The following LY9 variants were observed in gnomAD, a reference collection of about 807,000 sequenced individuals.
LY9 encodes the protein lymphocyte antigen 9.
A neutral mutation model predicts 64.6 loss-of-function variants in LY9; 59 were observed. The ratio of observed to expected loss-of-function variants is 0.91; its 90% confidence interval spans 0.74 to 1.13. The LOEUF (loss-of-function observed/expected upper bound fraction) is 1.13. Ranked by LOEUF, LY9 falls within the 50% of genes most tolerant of loss-of-function variation. The pLI is 0.00. For missense variants in LY9, 789 were observed against 797.2 expected (o/e 0.99, Z 0.12); for synonymous variants, 281 against 308.5 (o/e 0.91, Z 0.93).
rs1004121201 is a variant in LY9, at chr1:160,805,697, G to C, written c.454+5615G>C. On this transcript the variant is annotated intron_variant, in intron 2 of 9. Transcript: ENST00000263285. Reference sequence around the variant, plus strand: ...TGTCTAATGCTGAGAGTGGAGTGCTGAAGTCCTCCACTACTATTCTGTTGC... The same window carrying C: ...TGTCTAATGCTGAGAGTGGAGTGCTCAAGTCCTCCACTACTATTCTGTTGC... 1.3e-4 allele frequency among the ~76,000 whole-genome samples: 19 copies of C among 151,112 alleles called. No homozygotes were observed. In the South Asian group the frequency reaches 4.0e-3, roughly 32 times the overall value.
chr1:160,824,626 CA>C (rs1313256823), intron 9 of LY9: 2 of 983,116 alleles, frequency 2.0e-6, no homozygotes, highest in Admixed American at 1.2e-4. Context: ...AACAATTTAA[CA>C]ACAAGAATTT....
At chr1:160,819,173 T>G in intron 6 of LY9, 148 bp from the exon 7 acceptor site, 1 of 670,544 alleles carries the variant, frequency 1.5e-6, no homozygotes, top group East Asian at 2.8e-5. Context: ...TAGGCCTGGC[T>G]TCTCATCAGG....
intron 2 of LY9, chr1:160,810,454 C>G (rs1667382687): frequency 2.6e-5 from 4 of 152,194 alleles, no homozygotes; most frequent in Admixed American, 2.6e-4. Context: ...TCTGTGTTGT[C>G]TATGTCCTAA....
intron 2 of LY9, chr1:160,811,310 A>G (rs1475439978): frequency 6.6e-6 from 1 of 152,272 alleles, no homozygotes; most frequent in East Asian, 1.9e-4. Context: ...TCTGTCCCTT[A>G]CAGTCCAGAC....
chr1:160,796,417 G>A (rs996669371), intron 1 of LY9, 106 bp downstream of exon 1: 7 of 1,343,754 alleles, frequency 5.2e-6, no homozygotes, highest in African/African-American at 1.5e-5. Context: ...TTTTTTTAAC[G>A]GAGTCTCACT....
intron 1 of LY9, chr1:160,797,416 C>T: frequency 2.7e-6 from 1 of 372,518 alleles, no homozygotes; most frequent in Non-Finnish European, 3.7e-6. Context: ...TTTTCACTTT[C>T]AATTTTATCT....
chr1:160,824,136 C>T (rs1668701347), intron 8 of LY9, 45 bp from the exon 9 acceptor site: 4 of 1,612,300 alleles, frequency 2.5e-6, no homozygotes, highest in South Asian at 1.1e-5. Context: ...AACTGAAAAG[C>T]TCTCATGTGG....
intron 1 of LY9, 68 bp downstream of exon 1, chr1:160,796,379 C>G: frequency 4.6e-6 from 7 of 1,511,450 alleles, no homozygotes; most frequent in Non-Finnish European, 6.2e-6. Flanking sequence ...CATTCCCTGC[C>G]TGGGAGATTC....
At chr1:160,817,061 TAA>T (rs1353155199) in intron 5 of LY9, among the ~76,000 whole-genome samples, 198 bp downstream of exon 5, 1 of 152,164 alleles carries the variant, frequency 6.6e-6, no homozygotes, top group Non-Finnish European at 1.5e-5. Flanking sequence ...CAAGAAGAAA[TAA>T]AGTTATTTTA....
intron 7 of LY9, among the ~76,000 whole-genome samples, chr1:160,820,245 C>T (rs900345584): frequency 3.9e-5 from 6 of 152,182 alleles, no homozygotes; most frequent in Admixed American, 1.3e-4. Context: ...CTAAGAGCAT[C>T]GTGGGAAATG....
At position 160,827,970 on chromosome 1, in the gene LY9, C is replaced by T; in HGVS notation, c.*154C>T. 1.7e-6 allele frequency: 1 copy of T among 599,800 alleles called. No individual in the cohort carries two copies. 37.2% of individuals were successfully genotyped at this position (599,800 alleles called of 1,614,324 possible). A position where few individuals can be genotyped will look rare whatever the true frequency, so the allele number is the denominator to read the frequency against. On this transcript the variant is annotated 3_prime_UTR_variant, in exon 10 of 10. Coordinates refer to ENST00000263285, the MANE Select transcript of LY9 (RefSeq NM_002348.4). ...GTGGCCCCTCCCCCTCCTTCTCACC[C>T]TTAAGGACTCCCAAACCCATTAATA...
At chr1:160,826,971 C>T (rs1404859170) in intron 9 of LY9, among the ~76,000 whole-genome samples, 2 of 152,156 alleles carry the variant, frequency 1.3e-5, no homozygotes, top group South Asian at 2.1e-4. Flanking sequence ...CTGCAAGGCA[C>T]ACACACTACC....
intron 8 of LY9, among the ~76,000 whole-genome samples, 186 bp from the exon 9 acceptor site, chr1:160,823,994 CA>C (rs1668689369): frequency 6.6e-6 from 1 of 152,208 alleles, no homozygotes; most frequent in South Asian, 2.1e-4. Flanking sequence ...CCTCAGCTCT[CA>C]TTCTTGGGCC....
chr1:160,823,483 C>G lies in LY9; in HGVS notation c.1517C>G (p.Thr506Arg). The G allele has an allele frequency of 1.2e-6, 2 of 1,612,578 alleles. No individual in the cohort carries two copies. The highest frequency in any genetic ancestry group is 1.7e-6 in the Non-Finnish European group (2 of 1,178,852). ...ADTPEPTAGH[T>R]LYSVLSQGYE... ...GTTCCAGAACCCACAGCTGGCCACACGCTATACTCTGTGCTCTCCCAAGGA... is the reference window on the plus strand; with the variant it reads ...GTTCCAGAACCCACAGCTGGCCACAGGCTATACTCTGTGCTCTCCCAAGGA... Residue 506 changes from threonine (T) to arginine (R), a missense_variant, in exon 8 of 10, where the codon ACG becomes AGG. Coordinates refer to ENST00000263285, the MANE Select transcript of LY9 (RefSeq NM_002348.4).
chr1:160,796,726 C>T (rs1443107302), intron 1 of LY9, among the ~76,000 whole-genome samples: 1 of 152,226 alleles, frequency 6.6e-6, no homozygotes, highest in Non-Finnish European at 1.5e-5. Flanking sequence ...CCAGAAATTA[C>T]TTTGCATGTG....
At chr1:160,799,437 T>C (rs1442426597) in intron 1 of LY9, 1 of 271,818 alleles carries the variant, frequency 3.7e-6, no homozygotes, top group African/African-American at 2.2e-5. Flanking sequence ...GGTATGAGCA[T>C]TTCAATCTTT....
intron 6 of LY9, among the ~76,000 whole-genome samples, chr1:160,819,090 G>A (rs1557813321): frequency 6.6e-6 from 1 of 152,150 alleles, no homozygotes; most frequent in Non-Finnish European, 1.5e-5. Flanking sequence ...TCTCTCTTCT[G>A]GAGGGATGGC....
intron 2 of LY9, chr1:160,802,098 G>A (rs901384859): frequency 3.6e-6 from 5 of 1,380,340 alleles, no homozygotes; most frequent in African/African-American, 1.5e-5. Context: ...GGCACGTCGG[G>A]AACACCGGAG....
chr1:160,827,245 C>T (rs140573835), intron 9 of LY9, among the ~76,000 whole-genome samples: 59 of 152,324 alleles, frequency 3.9e-4, no homozygotes, highest in African/African-American at 1.4e-3. Context: ...TACCCAACCT[C>T]CCGCTCCTCT....
Sources: gnomAD v4.1 joint callset for allele counts (sites outside exome capture counted in the v4.1 genomes callset) on GRCh38, gnomAD v4.1.1 for gene constraint, MANE v1.5 for transcripts, NCBI Gene and HGNC (gene_info 2026-07-23, HGNC 2026-07-21) for gene names.